SASH1: variants seen among roughly 807,000 people sequenced by gnomAD.
SASH1 encodes the protein SAM and SH3 domain containing 1.
Under a neutral mutation model 125.2 loss-of-function variants are expected in SASH1, and 44 were observed. The ratio of observed to expected loss-of-function variants is 0.35; its 90% CI spans 0.28 to 0.45. The LOEUF (loss-of-function observed/expected upper bound fraction) is 0.45. SASH1 is among the 20% of genes least tolerant of loss of function. SASH1 has a pLI of 1.00. For missense variants in SASH1, 1,426 were observed against 1,614.5 expected (o/e 0.88, Z 2.00); for synonymous variants, 639 against 649.1 (o/e 0.98, Z 0.24).
intron 1 of SASH1, among the ~76,000 whole-genome samples, chr6:148,379,650 G>A (rs939350972): frequency 2.0e-5 from 3 of 152,130 alleles, no homozygotes; most frequent in Non-Finnish European, 4.4e-5. Flanking sequence ...CATTTGATAA[G>A]TATTTATTAC....
chr6:148,539,830 G>A (rs1470813205), intron 16 of SASH1, among the ~76,000 whole-genome samples: 1 of 152,142 alleles, frequency 6.6e-6, no homozygotes, highest in Admixed American at 6.5e-5. Flanking sequence ...CCTGTCCTGA[G>A]TTTTGGGGTT....
At position 148,544,233 on chromosome 6, in the gene SASH1, C is replaced by T; in HGVS notation, c.2763C>T (p.Gly921=). The change falls in exon 18 of 20, where the codon GGC becomes GGT. Residue 921 remains glycine, a synonymous_variant. Coordinates refer to ENST00000367467, the MANE Select transcript of SASH1 (RefSeq NM_015278.5). The surrounding 1 kb of genome is among the most constrained non-coding windows in gnomAD (Gnocchi z 6.4). ...GCTCAATCGCAGCCTCTGGTCGCGG[C>T]CTGTCACCCCCTCAGTGTTTGCCCA... ...LEGSIAASGR[G]LSPPQCLPRN... is the part of the protein sequence containing the mutation. The T allele has an allele frequency of 6.2e-7, 1 of 1,614,166 alleles. No homozygotes were observed. The highest frequency in any genetic ancestry group is 8.5e-7 in the Non-Finnish European group (1 of 1,180,036).
intron 1 of SASH1, among the ~76,000 whole-genome samples, chr6:148,386,960 C>G (rs1400327501): frequency 6.6e-6 from 1 of 151,898 alleles, no homozygotes; most frequent in Non-Finnish European, 1.5e-5. Context: ...AGGAGGATGC[C>G]CTGGTGCTGA....
chr6:148,292,372 G>A (rs1382381688), intron 1 of SASH1, among the ~76,000 whole-genome samples: 1 of 152,160 alleles, frequency 6.6e-6, no homozygotes, highest in South Asian at 2.1e-4. Context: ...ACAATCCCAG[G>A]CCCTACCTGC....
intron 1 of SASH1, among the ~76,000 whole-genome samples, chr6:148,344,247 G>T (rs535699399): frequency 6.6e-6 from 1 of 152,260 alleles, no homozygotes; most frequent in Admixed American, 6.5e-5. Context: ...CTGATCCTCA[G>T]TTTCATCACC....
chr6:148,314,060 T>A (rs189550152), intron 1 of SASH1, among the ~76,000 whole-genome samples: 2,298 of 152,272 alleles, frequency 0.015, 79 homozygotes, highest in African/African-American at 0.052. Context: ...GTCTCAGACA[T>A]GGTCTAGAGA....
At chr6:148,429,412 A>AAAG (rs1775969884) in intron 2 of SASH1, among the ~76,000 whole-genome samples, 2 of 118,774 alleles carry the variant, frequency 1.7e-5, no homozygotes, top group Non-Finnish European at 3.6e-5. Flanking sequence ...AAAAAAAAAA[A>AAAG]GAGGAAGGAA....
intron 1 of SASH1, among the ~76,000 whole-genome samples, chr6:148,277,153 C>A (rs772881456): frequency 2.0e-5 from 3 of 152,144 alleles, no homozygotes; most frequent in Admixed American, 6.5e-5. Flanking sequence ...GAGTCTGCCC[C>A]TGGAGTCTTG....
intron 2 of SASH1, among the ~76,000 whole-genome samples, chr6:148,420,879 G>T (rs559750129): frequency 6.6e-6 from 1 of 152,032 alleles, no homozygotes; most frequent in Admixed American, 6.6e-5. Flanking sequence ...TCAGGAGTTC[G>T]AGACTAGCCT....
At chr6:148,194,076 G>A in the SASH1 span, among the ~76,000 whole-genome samples, 1 of 152,318 alleles carries the variant, frequency 6.6e-6, no homozygotes, top group South Asian at 2.1e-4. Context: ...GGATTCTAAT[G>A]TCTAAGACTA....
At chr6:148,458,983 TACACACACACACAC>T (rs71004297) in intron 4 of SASH1, among the ~76,000 whole-genome samples, 46 of 137,954 alleles carry the variant, frequency 3.3e-4, no homozygotes, top group South Asian at 9.6e-4. Flanking sequence ...AAAAAAAGTA[TACACACACACACAC>T]ACACACACAC....
At chr6:148,410,331 GA>G (rs1562388829) in intron 2 of SASH1, among the ~76,000 whole-genome samples, 2 of 151,558 alleles carry the variant, frequency 1.3e-5, no homozygotes, top group Non-Finnish European at 2.9e-5. Flanking sequence ...GGCTGGTCTC[GA>G]ACCCCTGACC....
chr6:148,194,682 A>C, the SASH1 span, among the ~76,000 whole-genome samples: 3 of 152,166 alleles, frequency 2.0e-5, no homozygotes, highest in South Asian at 2.1e-4. Flanking sequence ...CCAAGGCGGG[A>C]GGATCACGAG....
chr6:148,307,596 C>T (rs1166104581), intron 1 of SASH1, among the ~76,000 whole-genome samples: 1 of 152,112 alleles, frequency 6.6e-6, no homozygotes, highest in Non-Finnish European at 1.5e-5. Context: ...TGTTATTCCA[C>T]CCCTTGCTGA....
In SASH1 at chr6:148,468,554, T is replaced by C; in HGVS notation, c.396T>C (p.Leu132=). 1 of 1,609,864 alleles carries C rather than the reference T, an allele frequency of 6.2e-7. No individual in the cohort carries two copies. Among genetic ancestry groups the C allele is most frequent in the East Asian group, 2.2e-5 (1 of 44,796 alleles). Residue 132 remains leucine (L), a synonymous_variant, in exon 5 of 20, where the codon CTT becomes CTC. Transcript: ENST00000367467. ...TGTTTTTCTTTTCTAGGAACCCTCT[T>C]CATAAATCAAACTCAGAAGACAGCT... The part of the protein sequence containing the change: ...STPEVERKNP[L]HKSNSEDSSV...
intron 1 of SASH1, among the ~76,000 whole-genome samples, chr6:148,302,706 G>A (rs541578469): frequency 2.1e-5 from 3 of 142,026 alleles, no homozygotes; most frequent in African/African-American, 5.1e-5. Context: ...TACACACTGT[G>A]TATATATATA....
the SASH1 span, among the ~76,000 whole-genome samples, chr6:148,234,822 C>A: frequency 6.8e-6 from 1 of 147,928 alleles, no homozygotes; most frequent in Non-Finnish European, 1.5e-5. Context: ...AGCGAAACTC[C>A]GTTTCAGAAA....
chr6:148,308,539 G>A (rs1372344454), intron 1 of SASH1, among the ~76,000 whole-genome samples: 2 of 151,558 alleles, frequency 1.3e-5, no homozygotes, highest in Non-Finnish European at 2.9e-5. Flanking sequence ...GGGATTACAG[G>A]CATGCGCCAC....
At chr6:148,377,971 G>T (rs1050481887) in intron 1 of SASH1, among the ~76,000 whole-genome samples, 2 of 152,020 alleles carry the variant, frequency 1.3e-5, no homozygotes, top group Non-Finnish European at 2.9e-5. Context: ...CCTTACTCTG[G>T]GTCAGTAAGT....
Sources: allele counts gnomAD v4.1 joint callset (sites outside exome capture counted in the v4.1 genomes callset), GRCh38; gene constraint gnomAD v4.1.1; non-coding constraint Gnocchi (gnomAD v3.1); transcripts MANE v1.5; gene names NCBI Gene and HGNC (gene_info 2026-07-23, HGNC 2026-07-21).